RXRG: variants seen among roughly 807,000 people sequenced by gnomAD.
RXRG encodes retinoid X receptor gamma.
RXRG carries 19 observed loss-of-function variants against 49.2 expected under a neutral mutation model. The observed-to-expected ratio is 0.39, with a 90% CI of 0.27 to 0.57. The LOEUF (loss-of-function observed/expected upper bound fraction) is 0.57. Ranked by LOEUF, RXRG falls within the 20% of genes least tolerant of loss-of-function variation. The pLI is 0.64. For synonymous variants in RXRG, 224 were observed against 216.6 expected (o/e 1.03, Z -0.30); for missense variants, 452 against 592.5 (o/e 0.76, Z 2.46).
chr1:165,433,086 G>A (rs1383003471), intron 1 of RXRG, among the ~76,000 whole-genome samples: 2 of 152,036 alleles, frequency 1.3e-5, no homozygotes, highest in African/African-American at 4.8e-5. Flanking sequence ...ATCAGAGGAT[G>A]CACAATTTGT....
chr1:165,412,590 T>TA (rs1423186986), intron 4 of RXRG, among the ~76,000 whole-genome samples: 1 of 152,266 alleles, frequency 6.6e-6, no homozygotes, highest in Non-Finnish European at 1.5e-5. Flanking sequence ...TTAAGGCTGG[T>TA]ACTTAGTTAA....
chr1:165,437,689 T>A (rs765889518), intron 1 of RXRG, among the ~76,000 whole-genome samples: 1 of 152,168 alleles, frequency 6.6e-6, no homozygotes, highest in Non-Finnish European at 1.5e-5. Context: ...GGCACCCTCA[T>A]TGGCATCTGC....
At chr1:165,404,610 T>A (rs1282014107) in intron 9 of RXRG, among the ~76,000 whole-genome samples, 1 of 152,192 alleles carries the variant, frequency 6.6e-6, no homozygotes, top group African/African-American at 2.4e-5. Context: ...CCAAACTGTA[T>A]AATTTCATAT....
chr1:165,401,444 A>G, intron 9 of RXRG, 34 bp from the exon 10 acceptor site: 1 of 1,611,478 alleles, frequency 6.2e-7, no homozygotes, highest in Non-Finnish European at 8.5e-7. Flanking sequence ...AGGGACAGGG[A>G]CGGGCAGGCA....
At chr1:165,439,878 T>C (rs1658927144) in intron 1 of RXRG, among the ~76,000 whole-genome samples, 1 of 152,260 alleles carries the variant, frequency 6.6e-6, no homozygotes, top group Non-Finnish European at 1.5e-5. Flanking sequence ...TTGAATATGC[T>C]GATAATAATT....
intron 1 of RXRG, among the ~76,000 whole-genome samples, chr1:165,429,235 G>A (rs527346629): frequency 3.9e-5 from 6 of 152,278 alleles, no homozygotes; most frequent in African/African-American, 9.6e-5. Context: ...GGACTATGCT[G>A]GATCCACAGC....
At chr1:165,422,635 C>T (rs12140146) in intron 2 of RXRG, among the ~76,000 whole-genome samples, 1,708 of 152,272 alleles carry the variant, frequency 0.011, 8 homozygotes, top group African/African-American at 0.014. Flanking sequence ...CTGAGAAGTG[C>T]GCTATGACAA....
intron 3 of RXRG, 69 bp from the exon 4 acceptor site, chr1:165,417,289 C>CAAA (rs1281504367): frequency 7.1e-7 from 1 of 1,417,952 alleles, no homozygotes; most frequent in East Asian, 2.3e-5. Flanking sequence ...TCAAAAGAAC[C>CAAA]TCTTGGCTCT....
intron 7 of RXRG, among the ~76,000 whole-genome samples, chr1:165,408,533 T>G (rs143215520): frequency 8.5e-5 from 13 of 152,306 alleles, no homozygotes; most frequent in African/African-American, 3.1e-4. Flanking sequence ...AGCAGCACGA[T>G]GCCCAGGAAT....
chr1:165,442,639 A>G (rs952379687), intron 1 of RXRG, among the ~76,000 whole-genome samples: 2 of 152,234 alleles, frequency 1.3e-5, no homozygotes, highest in African/African-American at 4.8e-5. Context: ...TTATTTTACA[A>G]TAATGTCTGA....
At chr1:165,444,617 C>A (rs1659102513) in intron 1 of RXRG, among the ~76,000 whole-genome samples, 1 of 152,200 alleles carries the variant, frequency 6.6e-6, no homozygotes, top group Admixed American at 6.5e-5. Context: ...ATCCCCGTAT[C>A]CTCATTCTGA....
Position 165,445,020 on chromosome 1 carries a change from C to A in RXRG, c.-127G>T, listed in dbSNP as rs958173130. On this transcript the variant is annotated 5_prime_UTR_variant, in exon 1 of 10. Coordinates refer to ENST00000359842, the MANE Select transcript of RXRG (RefSeq NM_006917.5). ...AGAGTGGTCATCGCTTCCTAGCAGC[C>A]CGGGGAGCACAGGCTGGGCCAGCCC... The A allele has an allele frequency of 3.7e-6, 3 of 817,976 alleles. No homozygotes were observed. Among genetic ancestry groups the A allele is most frequent in the Middle Eastern group, 2.4e-4 (1 of 4,178 alleles). 50.7% of individuals were successfully genotyped at this position (817,976 alleles called of 1,614,324 possible).
intron 9 of RXRG, among the ~76,000 whole-genome samples, chr1:165,406,475 G>T (rs955315737): frequency 6.6e-6 from 1 of 152,232 alleles, no homozygotes; most frequent in Admixed American, 6.5e-5. Context: ...ATGGTCTTCA[G>T]CAAGTTACTT....
chr1:165,419,776 C>T, intron 3 of RXRG, 94 bp downstream of exon 3: 1 of 1,158,946 alleles, frequency 8.6e-7, no homozygotes, highest in Non-Finnish European at 1.2e-6. Context: ...CCTAAAGGGC[C>T]ATTTTCCTTT....
chr1:165,424,530 A>C (rs1419324124), intron 2 of RXRG, among the ~76,000 whole-genome samples: 1 of 152,226 alleles, frequency 6.6e-6, no homozygotes, highest in East Asian at 1.9e-4. Flanking sequence ...AAGAAAAGGA[A>C]ACTGAAACAG....
At chr1:165,421,115 C>G (rs1658297613) in intron 2 of RXRG, among the ~76,000 whole-genome samples, 1 of 152,150 alleles carries the variant, frequency 6.6e-6, no homozygotes, top group South Asian at 2.1e-4. Context: ...TACAATAGAG[C>G]CTAAGCTAGG....
At chr1:165,443,306 C>G (rs938359550) in intron 1 of RXRG, among the ~76,000 whole-genome samples, 1 of 152,178 alleles carries the variant, frequency 6.6e-6, no homozygotes, top group Admixed American at 6.5e-5. Flanking sequence ...AATGAGCATG[C>G]ACCTCTTACA....
intron 1 of RXRG, among the ~76,000 whole-genome samples, chr1:165,441,614 G>T (rs1251832634): frequency 6.6e-6 from 1 of 152,236 alleles, no homozygotes; most frequent in Non-Finnish European, 1.5e-5. Flanking sequence ...GGCTGGTAAA[G>T]TGCTTACAAT....
intron 9 of RXRG, among the ~76,000 whole-genome samples, chr1:165,402,209 C>T (rs1418675537): frequency 6.6e-6 from 1 of 152,124 alleles, no homozygotes; most frequent in Non-Finnish European, 1.5e-5. Context: ...CTCAGCCTCC[C>T]AAGTAGCTGC....
Sources: allele counts gnomAD v4.1 joint callset (sites outside exome capture counted in the v4.1 genomes callset), GRCh38; gene constraint gnomAD v4.1.1; transcripts MANE v1.5; gene names NCBI Gene and HGNC (gene_info 2026-07-23, HGNC 2026-07-21).